Variants in VPS11 observed in about 807,000 individuals in gnomAD.
The protein encoded by VPS11 is VPS11 core subunit of CORVET and HOPS complexes.
VPS11 carries 51 observed loss-of-function variants against 106.8 expected under a neutral mutation model. The ratio of observed to expected loss-of-function variants is 0.48; its 90% confidence interval spans 0.38 to 0.60. The LOEUF is 0.60. Ranked by LOEUF, VPS11 falls within the 20% of genes least tolerant of loss-of-function variation. VPS11 has a pLI of 0.00. For synonymous variants in VPS11, 453 were observed against 458.7 expected (o/e 0.99, Z 0.16); for missense variants, 950 against 1,190.0 (o/e 0.80, Z 2.97).
intron 4 of VPS11, 180 bp downstream of exon 4, chr11:119,070,577 C>T (rs1945340412): frequency 1.7e-6 from 1 of 577,390 alleles, no homozygotes; most frequent in East Asian, 3.2e-5. Context: ...GAGTTAGACT[C>T]TGGGCTTGTA....
In VPS11 at chr11:119,068,241, C is replaced by T. The variant is rs138059180; in HGVS notation, c.187+231C>T. The T allele has an allele frequency of 6.9e-4, 310 of 449,608 alleles. 1 individual carries two copies. Among genetic ancestry groups the T allele is most frequent in the African/African-American group, 5.0e-3 (249 of 49,886 alleles). The allele number at this position is 449,608 out of a possible 1,614,324, so 27.9% of individuals were successfully genotyped here. On this transcript the variant is annotated intron_variant, in intron 1 of 15. Coordinates refer to ENST00000621676, the MANE Select transcript of VPS11 (RefSeq NM_021729.6). ...CCTCTCTGGGTTTTAATTTCCTTAT[C>T]TGTAGGAGATGTGTGCATGCCAATT...
At chr11:119,071,360 T>A (rs1945383223) in intron 4 of VPS11, among the ~76,000 whole-genome samples, 1 of 152,220 alleles carries the variant, frequency 6.6e-6, no homozygotes, top group South Asian at 2.1e-4. Flanking sequence ...TACATTTTTC[T>A]TACTTGCAGA....
rs782498761 is a variant in VPS11 at position 119,078,014 on chromosome 11, A to G, written c.1709A>G (p.Asp570Gly). ...TTQLLKGLCT[D>G]YRPSLEGRSD... ...CAGTTGCTGAAGGGACTTTGTACTG[A>G]TTATCGGCCCAGCCTCGAAGGCCGC... Residue 570 changes from aspartate to glycine, a missense_variant, in exon 10 of 16, where the codon GAT becomes GGT. Physicochemically the swap from Asp to Gly is moderately conservative, Grantham distance 94 (BLOSUM62 -1). Coordinates refer to ENST00000621676, the MANE Select transcript of VPS11 (RefSeq NM_021729.6). The G allele has an allele frequency of 6.2e-7, 1 of 1,613,460 alleles. No individual in the cohort carries two copies.
Position 119,078,400 on chromosome 11 carries a change from G to A in VPS11, c.1923+66G>A, listed in dbSNP as rs140151462. On this transcript the variant is annotated intron_variant, in intron 11 of 15. Coordinates refer to ENST00000621676, the MANE Select transcript of VPS11 (RefSeq NM_021729.6). ...GCCGTCTCCATTCTTCCGTCTTGGT[G>A]GCTGCCTTTCACTGCATTCCTTAGA... is the stretch of plus-strand genomic sequence containing the variant. The A allele has an allele frequency of 6.9e-5, 109 of 1,588,426 alleles. 1 individual carries two copies. In the African/African-American group the frequency reaches 7.1e-4, roughly 10 times the overall value.
At chr11:119,078,089 T>C (rs782570405) in intron 10 of VPS11, 23 bp downstream of exon 10, 1 of 1,609,450 alleles carries the variant, frequency 6.2e-7, no homozygotes, top group East Asian at 2.2e-5. Context: ...GGAAAAGAGC[T>C]TCAGACTGTG....
intron 5 of VPS11, 78 bp from the exon 6 acceptor site, chr11:119,073,120 A>G (rs1945461446): frequency 6.6e-7 from 1 of 1,515,466 alleles, no homozygotes. Flanking sequence ...AATGTGCACC[A>G]AAGTTATCAT....
rs181678288 is a variant in VPS11 at position 119,069,263 on chromosome 11, A to G, written c.255A>G (p.Leu85=). The G allele has an allele frequency of 1.7e-5, 27 of 1,613,982 alleles. No individual in the cohort carries two copies. In the East Asian group the frequency reaches 4.0e-4, roughly 24 times the overall value. The change falls in exon 2 of 16, where the codon CTA becomes CTG. Residue 85 remains leucine, a synonymous_variant. Coordinates refer to ENST00000621676, the MANE Select transcript of VPS11 (RefSeq NM_021729.6). ...LQLTGFQAYK[L]RVTHLYQLKQ... is the part of the protein sequence containing the mutation. ...TTACAGGCTTCCAAGCCTACAAACT[A>G]CGGGTGACACACCTGTACCAACTGA...
chr11:119,068,107 T>C (rs928905903), intron 1 of VPS11, 97 bp downstream of exon 1: 24 of 1,377,796 alleles, frequency 1.7e-5, no homozygotes, highest in Non-Finnish European at 2.2e-5. Context: ...GCCGCGCGCC[T>C]CTTTGGTTTA....
At chr11:119,073,448 T>C in intron 6 of VPS11, 49 bp downstream of exon 6, 2 of 1,591,528 alleles carry the variant, frequency 1.3e-6, no homozygotes, top group Non-Finnish European at 1.7e-6. Context: ...TAGAAGCAGC[T>C]GCAGGAGCAG....
intron 11 of VPS11, 38 bp downstream of exon 11, chr11:119,078,372 C>G (rs782164423): frequency 6.3e-7 from 1 of 1,599,718 alleles, no homozygotes; most frequent in Non-Finnish European, 8.5e-7. Context: ...AAAGACAGTT[C>G]GTGCCGTCTC....
chr11:119,077,990 A>G lies in VPS11; in HGVS notation c.1685A>G (p.Gln562Arg). 1 of 1,613,880 alleles carries G rather than the reference A, an allele frequency of 6.2e-7. No homozygotes were observed. Among genetic ancestry groups the G allele is most frequent in the Non-Finnish European group, 8.5e-7 (1 of 1,179,886 alleles). ...CACCACATACCAGAGCAGACAACTC[A>G]GTTGCTGAAGGGACTTTGTACTGAT... ...LMHHIPEQTT[Q>R]LLKGLCTDYR... The change falls in exon 10 of 16, where the codon CAG becomes CGG. Residue 562 changes from glutamine to arginine, a missense_variant. Around this residue, in one of 3 missense-constraint regions of VPS11, gnomAD observed 453 missense variants for 514.6 expected, o/e 0.88. Coordinates refer to ENST00000621676, the MANE Select transcript of VPS11 (RefSeq NM_021729.6).
At chr11:119,069,159 C>T in intron 1 of VPS11, 37 bp from the exon 2 acceptor site, 1 of 1,611,268 alleles carries the variant, frequency 6.2e-7, no homozygotes, top group Non-Finnish European at 8.5e-7. Context: ...ATGTAAGTAT[C>T]TCTCCTTGGA....
In VPS11 at chr11:119,078,062, G is replaced by A. The variant is rs1359047483; in HGVS notation, c.1757G>A (p.Cys586Tyr). 6.2e-7 allele frequency: 1 copy of A among 1,610,670 alleles called. No homozygotes were observed. Among genetic ancestry groups the A allele is most frequent in the African/African-American group, 1.3e-5 (1 of 75,056 alleles). Residue 586 changes from cysteine to tyrosine, a missense_variant, in exon 10 of 16, where the codon TGC becomes TAC. Cys to Tyr is a radical substitution (Grantham distance 194, BLOSUM62 -2). Coordinates refer to ENST00000621676, the MANE Select transcript of VPS11 (RefSeq NM_021729.6). The part of the protein sequence containing the change: ...EGRSDREAPG[C>Y]RANSEEFIPI... ...CGCAGCGATAGGGAGGCCCCAGGCT[G>A]CAGGGTGAGGCTGCAGGGAAAAGAG...
intron 14 of VPS11, among the ~76,000 whole-genome samples, chr11:119,079,991 C>T (rs1326047592): frequency 6.6e-6 from 1 of 152,208 alleles, no homozygotes; most frequent in Non-Finnish European, 1.5e-5. Flanking sequence ...CTGAACAGCA[C>T]AGGCAAAAAG....
At chr11:119,069,001 C>G (rs1435664843) in intron 1 of VPS11, among the ~76,000 whole-genome samples, 195 bp from the exon 2 acceptor site, 1 of 47,074 alleles carries the variant, frequency 2.1e-5, no homozygotes, top group East Asian at 6.4e-4. Context: ...TCCGCACCCC[C>G]CCCCCCCCCC....
chr11:119,075,915 G>GATAATA (rs555370311), intron 7 of VPS11, among the ~76,000 whole-genome samples: 1 of 133,418 alleles, frequency 7.5e-6, no homozygotes, highest in African/African-American at 2.9e-5. Context: ...AATAATAGTA[G>GATAATA]ATAATAATAA....
chr11:119,076,834 CTGTGTACA>C (rs2134783701), intron 7 of VPS11, 55 bp from the exon 8 acceptor site: 1 of 1,571,940 alleles, frequency 6.4e-7, no homozygotes, highest in South Asian at 1.1e-5. Flanking sequence ...CAAGTGATTC[CTGTGTACA>C]TGAGCTGGAG....
Position 119,077,959 on chromosome 11 carries a change from C to T in VPS11, c.1654C>T (p.Leu552Phe). Reference protein sequence around the residue: ...ESNMKRYGKILMHHIPEQTTQ... With the variant: ...ESNMKRYGKIFMHHIPEQTTQ... ...CAACATGAAGCGCTACGGCAAGATCCTCATGCACCACATACCAGAGCAGAC... is the reference window on the plus strand; with the variant it reads ...CAACATGAAGCGCTACGGCAAGATCTTCATGCACCACATACCAGAGCAGAC... Residue 552 changes from leucine to phenylalanine, a missense_variant, in exon 10 of 16, where the codon CTC becomes TTC. Transcript: ENST00000621676. 1 of 1,614,016 alleles carries T rather than the reference C, an allele frequency of 6.2e-7. No individual in the cohort carries two copies. The highest frequency in any genetic ancestry group is 8.5e-7 in the Non-Finnish European group (1 of 1,179,894).
intron 4 of VPS11, chr11:119,070,927 CT>C (rs34565601): frequency 5.4e-5 from 6 of 111,266 alleles, no homozygotes; most frequent in Admixed American, 8.5e-5. Flanking sequence ...TTCTAACTAG[CT>C]TTTTTTTTTT....
Sources: gnomAD v4.1 joint callset for allele counts (sites outside exome capture counted in the v4.1 genomes callset) on GRCh38, gnomAD v4.1.1 for gene constraint, gnomAD v4.1.1 regional missense constraint, MANE v1.5 for transcripts, NCBI Gene and HGNC (gene_info 2026-07-23, HGNC 2026-07-21) for gene names.